IFT122: variants seen among roughly 807,000 people sequenced by gnomAD.
IFT122 encodes the protein intraflagellar transport protein 122 homolog.
A neutral mutation model predicts 161.6 loss-of-function variants in IFT122; 118 were observed. That is an observed-to-expected ratio of 0.73 (90% CI 0.63 to 0.85). IFT122 has a LOEUF of 0.85. IFT122 is among the 40% of genes least tolerant of loss of function. The pLI, the probability that IFT122 is intolerant of heterozygous loss-of-function variation, is 0.00. For missense variants in IFT122, 1,381 were observed against 1,579.6 expected (o/e 0.87, Z 2.13); for synonymous variants, 550 against 602.4 (o/e 0.91, Z 1.27).
In IFT122 at chr3:129,449,984, C is replaced by G; in HGVS notation, c.108+47C>G. ...CTCTTAAAGTGCTTCCCTAACCTCC[C>G]TCTTGTGAGTACTCTGAAATTTGAC... On this transcript the variant is annotated intron_variant, in intron 2 of 29. Coordinates refer to ENST00000348417, the MANE Select transcript of IFT122 (RefSeq NM_052989.3). 9 of 1,225,270 alleles carry G rather than the reference C, an allele frequency of 7.3e-6. No homozygotes were observed. In the South Asian group the frequency reaches 9.7e-5, roughly 13 times the overall value. 75.9% of individuals were successfully genotyped at this position (1,225,270 alleles called of 1,614,324 possible).
intron 16 of IFT122, among the ~76,000 whole-genome samples, chr3:129,491,247 C>A (rs546361299): frequency 2.6e-5 from 4 of 152,338 alleles, no homozygotes; most frequent in Non-Finnish European, 5.9e-5. Context: ...GCAGAGGCTG[C>A]AAGTGGTCAG....
chr3:129,494,234 T>TA (rs1283111307), intron 17 of IFT122, among the ~76,000 whole-genome samples: 2 of 151,428 alleles, frequency 1.3e-5, no homozygotes, highest in Non-Finnish European at 2.9e-5. Flanking sequence ...TTTGCAGAGA[T>TA]AGAGTCTGGC....
rs77395911 is a variant in IFT122, at chr3:129,461,118, G to A, written c.273-110G>A. ...CTTTTTGTTGGTCACTTGCAGAAGA[G>A]CATGTGGTCTAAAGTCAGAGGCTGT... is the stretch of plus-strand genomic sequence containing the variant. On this transcript the variant is annotated intron_variant, in intron 4 of 29. Coordinates refer to ENST00000348417, the MANE Select transcript of IFT122 (RefSeq NM_052989.3). The A allele has an allele frequency of 1.0e-3, 1,005 of 985,938 alleles. 8 individuals are homozygous for A. In the African/African-American group the frequency reaches 0.015, roughly 14 times the overall value. 61.1% of individuals were successfully genotyped at this position (985,938 alleles called of 1,614,324 possible).
At chr3:129,463,432 G>A in intron 5 of IFT122, 128 bp from the exon 6 acceptor site, 2 of 755,338 alleles carry the variant, frequency 2.6e-6, no homozygotes, top group Admixed American at 2.0e-5. Context: ...TTGAGATTAT[G>A]TTTTTTCATT....
At chr3:129,477,373 C>T (rs1274529651) in intron 11 of IFT122, among the ~76,000 whole-genome samples, 4 of 152,238 alleles carry the variant, frequency 2.6e-5, no homozygotes, top group African/African-American at 9.6e-5. Context: ...ACTCAATCCA[C>T]TTACTTCAGG....
chr3:129,499,580 C>T (rs2081289812), intron 18 of IFT122, among the ~76,000 whole-genome samples: 19 of 152,240 alleles, frequency 1.2e-4, no homozygotes, highest in Admixed American at 1.2e-3. Context: ...CTGCAGACTT[C>T]ATGTGCAGTG....
At chr3:129,495,384 T>C in intron 17 of IFT122, 62 bp from the exon 18 acceptor site, 6 of 1,598,862 alleles carry the variant, frequency 3.8e-6, no homozygotes, top group Non-Finnish European at 5.1e-6. Context: ...ATCTAACCTT[T>C]GTAAAGGCTG....
At chr3:129,476,007 C>G (rs1577575923) in intron 9 of IFT122, 1 of 437,324 alleles carries the variant, frequency 2.3e-6, no homozygotes. Flanking sequence ...GGGAACAAAA[C>G]CACCCACAGT....
Position 129,520,267 on chromosome 3 carries a change from C to T in IFT122, c.*2C>T. ...TGCAAGGATGACCCTGGCCCATGAC[C>T]AGCATCCTGGGGACGGCCTGCACCC... On this transcript the variant is annotated 3_prime_UTR_variant, in exon 30 of 30. Transcript: ENST00000348417. The T allele has an allele frequency of 6.2e-7, 1 of 1,606,758 alleles. No individual in the cohort carries two copies.
Position 129,476,519 on chromosome 3 carries a change from A to G in IFT122, c.1008+13A>G. 6.2e-7 allele frequency: 1 copy of G among 1,614,020 alleles called. No homozygotes were observed. The highest frequency in any genetic ancestry group is 8.5e-7 in the Non-Finnish European group (1 of 1,180,018). ...TTCCAACTATGTGGTAAGAAGAGAA[A>G]GTTTGTTCTGTGGGGCCATGGCTTG... On this transcript the variant is annotated intron_variant, in intron 10 of 29. Transcript: ENST00000348417.
intron 18 of IFT122, among the ~76,000 whole-genome samples, chr3:129,497,791 G>C (rs1373149632): frequency 6.6e-6 from 1 of 152,094 alleles, no homozygotes; most frequent in Non-Finnish European, 1.5e-5. Context: ...CACATTATGT[G>C]GGGGGTGGGG....
At chr3:129,510,175 C>T (rs750489759) in intron 23 of IFT122, among the ~76,000 whole-genome samples, 2 of 152,206 alleles carry the variant, frequency 1.3e-5, no homozygotes, top group Non-Finnish European at 2.9e-5. Context: ...ATCCTCCTGC[C>T]TGAGCCTCCC....
rs745484070 is a variant in IFT122 at position 129,478,174 on chromosome 3, T to G, written c.1306T>G (p.Cys436Gly). The G allele has an allele frequency of 1.9e-6, 3 of 1,614,142 alleles. No homozygotes were observed. Among genetic ancestry groups the G allele is most frequent in the East Asian group, 2.2e-5 (1 of 44,880 alleles). Reference sequence around the variant, plus strand: ...GGAGAAGATTATCAAGAAGTTTGAGTGCAACCTCCTGGTGGTGTGTGCCAA... The same window carrying G: ...GGAGAAGATTATCAAGAAGTTTGAGGGCAACCTCCTGGTGGTGTGTGCCAA... ...VKEKIIKKFECNLLVVCANHI... is the reference protein window; with the variant it reads ...VKEKIIKKFEGNLLVVCANHI... Residue 436 changes from cysteine (C) to glycine (G), a missense_variant, in exon 12 of 30, where the codon TGC (cysteine) becomes GGC (glycine). Cys to Gly is a radical substitution (Grantham distance 159). Around this residue, in one of 7 missense-constraint regions of IFT122, gnomAD observed 544 missense variants for 648.0 expected, o/e 0.84. Coordinates refer to ENST00000348417, the MANE Select transcript of IFT122 (RefSeq NM_052989.3).
chr3:129,485,250 T>C (rs1035336850), intron 15 of IFT122, among the ~76,000 whole-genome samples: 1 of 152,224 alleles, frequency 6.6e-6, no homozygotes, highest in African/African-American at 2.4e-5. Context: ...TGAAAGACTT[T>C]TAGGGAAATT....
chr3:129,456,293 A>G (rs2075473920), intron 3 of IFT122: 1 of 1,234,866 alleles, frequency 8.1e-7, no homozygotes, highest in African/African-American at 1.6e-5. Context: ...TTTATTTAGT[A>G]TTTGCAGCAA....
intron 16 of IFT122, among the ~76,000 whole-genome samples, chr3:129,490,690 A>G (rs1302477470): frequency 1.3e-5 from 2 of 152,206 alleles, no homozygotes; most frequent in Non-Finnish European, 2.9e-5. Flanking sequence ...CAGACCTCGA[A>G]TGCTCCTTTC....
intron 4 of IFT122, chr3:129,459,335 G>A (rs1438996098): frequency 6.7e-6 from 3 of 450,330 alleles, no homozygotes; most frequent in Non-Finnish European, 1.3e-5. Flanking sequence ...TGTTGCCCAG[G>A]CTGGAGTGCA....
rs1446900648 is a variant in IFT122 at position 129,440,385 on chromosome 3, C to A, written c.41+14C>A. On this transcript the variant is annotated intron_variant, in intron 1 of 29. Coordinates refer to ENST00000348417, the MANE Select transcript of IFT122 (RefSeq NM_052989.3). ...AGCCGAGCACTGGTGAGGAGCGGGGCGGTTCGCGAAGAGCAGGAGGTCGAG... is the reference window on the plus strand; with the variant it reads ...AGCCGAGCACTGGTGAGGAGCGGGGAGGTTCGCGAAGAGCAGGAGGTCGAG... 6.5e-7 allele frequency: 1 copy of A among 1,549,954 alleles called. No homozygotes were observed. The highest frequency in any genetic ancestry group is 1.4e-5 in the African/African-American group (1 of 73,102).
rs2081343756 is a variant in IFT122 at position 129,500,028 on chromosome 3, A to G, written c.2335A>G (p.Lys779Glu). The G allele has an allele frequency of 6.2e-7, 1 of 1,614,126 alleles. No homozygotes were observed. The highest frequency in any genetic ancestry group is 1.1e-5 in the South Asian group (1 of 91,092). ...GTACATCTCAGCAGGAGAGCACGTC[A>G]AGGCCATCGAGATCTGTGGTGACCA... is the stretch of plus-strand genomic sequence containing the variant. ...EMYISAGEHV[K>E]AIEICGDHGW... is the part of the protein sequence containing the mutation. The change falls in exon 19 of 30, where the codon AAG (lysine) becomes GAG (glutamate). Residue 779 changes from lysine (K) to glutamate (E), a missense_variant. Lys to Glu is a moderately conservative substitution (Grantham distance 56). Transcript: ENST00000348417.
Sources: gnomAD v4.1 joint callset for allele counts (sites outside exome capture counted in the v4.1 genomes callset) on GRCh38, gnomAD v4.1.1 for gene constraint, gnomAD v4.1.1 regional missense constraint, MANE v1.5 for transcripts, NCBI Gene and HGNC (gene_info 2026-07-23, HGNC 2026-07-21) for gene names.